The following LGSN variants were observed in gnomAD, a reference collection of about 807,000 sequenced individuals.
LGSN encodes lengsin, lens protein with glutamine synthetase domain, also known as lengsin.
A neutral mutation model predicts 19.5 loss-of-function variants in LGSN; 21 were observed. The ratio of observed to expected loss-of-function variants is 1.07; its 90% CI spans 0.76 to 1.55. LGSN has a LOEUF of 1.55. Among genes scored for constraint, LGSN ranks in the 40% most tolerant of loss-of-function variants. The pLI, the probability that LGSN is intolerant of heterozygous loss-of-function variation, is 0.00. For synonymous variants in LGSN, 257 were observed against 215.6 expected, an observed-to-expected ratio of 1.19 and a Z score of -1.68; for missense variants, 673 against 608.5, an observed-to-expected ratio of 1.11 and a Z score of -1.12.
At chr6:63,449,295 C>T in the LGSN span, among the ~76,000 whole-genome samples, 46 of 152,156 alleles carry the variant, frequency 3.0e-4, no homozygotes, top group Middle Eastern at 6.8e-3. Flanking sequence ...CGCGGTGGCT[C>T]CTGCACTTTG....
chr6:63,557,433 G>A, the LGSN span, among the ~76,000 whole-genome samples: 1 of 151,962 alleles, frequency 6.6e-6, no homozygotes, highest in Non-Finnish European at 1.5e-5. Context: ...GGTGTAGTGT[G>A]CGTGCCTGTA....
the LGSN span, among the ~76,000 whole-genome samples, chr6:63,535,054 C>T: frequency 1.3e-5 from 2 of 150,938 alleles, no homozygotes; most frequent in Non-Finnish European, 3.0e-5. Context: ...GAGTGAAACT[C>T]CTTCACAAAA....
the LGSN span, among the ~76,000 whole-genome samples, chr6:63,406,740 CT>C: frequency 6.6e-6 from 1 of 151,856 alleles, no homozygotes; most frequent in African/African-American, 2.4e-5. Context: ...AATCCAGGAG[CT>C]GGTTTTTTGA....
the LGSN span, among the ~76,000 whole-genome samples, chr6:63,506,957 G>A: frequency 1.3e-5 from 2 of 152,152 alleles, no homozygotes; most frequent in South Asian, 2.1e-4. Context: ...AGGGAAGCAG[G>A]AGTGAGGGAG....
At chr6:63,387,333 T>C in the LGSN span, among the ~76,000 whole-genome samples, 1,288 of 152,270 alleles carry the variant, frequency 8.5e-3, 22 homozygotes, top group African/African-American at 0.029. Flanking sequence ...TACATAACGA[T>C]GCATTTTTTC....
At chr6:63,491,386 C>T in the LGSN span, among the ~76,000 whole-genome samples, 3 of 152,172 alleles carry the variant, frequency 2.0e-5, no homozygotes, top group Non-Finnish European at 4.4e-5. Context: ...GCAATTCCTG[C>T]GTAAGCTGGA....
At chr6:63,573,022 G>T in the LGSN span, among the ~76,000 whole-genome samples, 77 of 152,010 alleles carry the variant, frequency 5.1e-4, no homozygotes, top group African/African-American at 1.7e-3. Context: ...CTTCTGCGGC[G>T]GCCGGGGGCA....
the LGSN span, among the ~76,000 whole-genome samples, chr6:63,538,696 A>G: frequency 6.6e-6 from 1 of 152,198 alleles, no homozygotes; most frequent in Non-Finnish European, 1.5e-5. Flanking sequence ...TTTTGCCTAC[A>G]ATAGTTCAAA....
the LGSN span, among the ~76,000 whole-genome samples, chr6:63,544,966 T>C: frequency 6.6e-6 from 1 of 152,202 alleles, no homozygotes; most frequent in Non-Finnish European, 1.5e-5. Flanking sequence ...TATCAAACTT[T>C]CATGCACTAG....
the LGSN span, among the ~76,000 whole-genome samples, chr6:63,384,735 G>T: frequency 2.0e-5 from 3 of 152,098 alleles, no homozygotes; most frequent in African/African-American, 7.2e-5. Context: ...CAAGCTAGCT[G>T]GTCTCAAACT....
the LGSN span, among the ~76,000 whole-genome samples, chr6:63,357,070 G>C: frequency 6.8e-6 from 1 of 147,102 alleles, no homozygotes; most frequent in Non-Finnish European, 1.5e-5. Flanking sequence ...CTATGAGTGA[G>C]AACATGCGGT....
intron 1 of LGSN, among the ~76,000 whole-genome samples, chr6:63,319,018 C>T (rs1305545167): frequency 1.3e-5 from 2 of 152,188 alleles, no homozygotes; most frequent in African/African-American, 4.8e-5. Context: ...CACAGCTCCT[C>T]CTCAGGGAGT....
chr6:63,414,920 A>T, the LGSN span, among the ~76,000 whole-genome samples: 1 of 152,226 alleles, frequency 6.6e-6, no homozygotes, highest in Non-Finnish European at 1.5e-5. Context: ...CTTTAAAAAA[A>T]ATTAAATTAA....
At chr6:63,570,014 A>G in the LGSN span, among the ~76,000 whole-genome samples, 3 of 152,216 alleles carry the variant, frequency 2.0e-5, no homozygotes, top group African/African-American at 7.2e-5. Context: ...GTGAACCACA[A>G]TGGCAGCTGA....
In LGSN at chr6:63,280,587, C is replaced by A; in HGVS notation, c.964G>T (p.Asp322Tyr). ...CTGCAGAACATGTTTTTCTTCCTAT[C>A]GACATCCCAGAGACTATGAGACAAA... ...GILSHSLWDV[D>Y]RKKNMFCSTS... The change falls in exon 4 of 4, where the codon GAT (aspartate) becomes TAT (tyrosine). Residue 322 changes from aspartate to tyrosine, a missense_variant. Physicochemically the swap from Asp to Tyr is radical, Grantham distance 160. Transcript: ENST00000370657. 6.2e-7 allele frequency: 1 copy of A among 1,614,044 alleles called. No individual in the cohort carries two copies. Among genetic ancestry groups the A allele is most frequent in the Non-Finnish European group, 8.5e-7 (1 of 1,180,014 alleles).
chr6:63,540,477 C>T, the LGSN span, among the ~76,000 whole-genome samples: 5 of 151,682 alleles, frequency 3.3e-5, no homozygotes, highest in Non-Finnish European at 7.4e-5. Flanking sequence ...AAAAATTAGC[C>T]GGGTGTGGTG....
At chr6:63,537,258 A>C in the LGSN span, among the ~76,000 whole-genome samples, 1 of 152,124 alleles carries the variant, frequency 6.6e-6, no homozygotes, top group Non-Finnish European at 1.5e-5. Context: ...GTCCCCTGGG[A>C]ATTGTTAGAA....
At chr6:63,360,333 C>T in the LGSN span, among the ~76,000 whole-genome samples, 1 of 152,216 alleles carries the variant, frequency 6.6e-6, no homozygotes, top group African/African-American at 2.4e-5. Flanking sequence ...CATGTAGTCT[C>T]ATATTTCTTG....
chr6:63,501,266 G>A, the LGSN span, among the ~76,000 whole-genome samples: 1 of 151,684 alleles, frequency 6.6e-6, no homozygotes, highest in Admixed American at 6.6e-5. Flanking sequence ...GGATGTTGAG[G>A]CAGGGGAATT....
Sources: gnomAD v4.1 joint callset for allele counts (sites outside exome capture counted in the v4.1 genomes callset) on GRCh38, gnomAD v4.1.1 for gene constraint, MANE v1.5 for transcripts, NCBI Gene and HGNC (gene_info 2026-07-23, HGNC 2026-07-21) for gene names.